The following LRSAM1 variants were observed in gnomAD, a reference collection of about 807,000 sequenced individuals.
LRSAM1 encodes the protein E3 ubiquitin-protein ligase LRSAM1.
LRSAM1 carries 96 observed loss-of-function variants against 118.1 expected under a neutral mutation model. The observed-to-expected ratio is 0.81, with a 90% CI of 0.69 to 0.96. The LOEUF (loss-of-function observed/expected upper bound fraction) is 0.96. LRSAM1 is among the 40% of genes least tolerant of loss of function. LRSAM1 has a pLI of 0.00. For missense variants in LRSAM1, 804 were observed against 915.5 expected, an observed-to-expected ratio of 0.88 and a Z score of 1.57; for synonymous variants, 322 against 364.2, an observed-to-expected ratio of 0.88 and a Z score of 1.32.
intron 11 of LRSAM1, among the ~76,000 whole-genome samples, chr9:127,476,366 C>G (rs2249936): frequency 0.43 from 65,226 of 151,812 alleles, 14,880 homozygotes; most frequent in Non-Finnish European, 0.5. Context: ...GGCAATGTGG[C>G]GAGACCCTGT....
At chr9:127,468,638 T>G (rs1835046846) in intron 10 of LRSAM1, among the ~76,000 whole-genome samples, 1 of 152,064 alleles carries the variant, frequency 6.6e-6, no homozygotes, top group African/African-American at 2.4e-5. Context: ...ACCTCTTCCT[T>G]AAACAGGAAG....
chr9:127,456,738 C>T (rs976693043), intron 5 of LRSAM1, among the ~76,000 whole-genome samples: 3 of 151,966 alleles, frequency 2.0e-5, no homozygotes, highest in Non-Finnish European at 4.4e-5. Flanking sequence ...TGGTGGCATG[C>T]GCCTGTAGTC....
At chr9:127,489,400 G>C (rs1387949003) in intron 18 of LRSAM1, 44 bp from the exon 19 acceptor site, 5 of 1,578,862 alleles carry the variant, frequency 3.2e-6, no homozygotes, top group Admixed American at 3.7e-5. Flanking sequence ...GCAGGGAAAA[G>C]TGTGGGCACG....
Position 127,465,376 on chromosome 9 carries a change from A to T in LRSAM1, c.529-2364A>T, listed in dbSNP as rs574008395. Reference sequence around the variant, plus strand: ...AACCAACCATGGACTCAAACTTTAAATCAGATTTATTTTCAGTTACTTAAA... The same window carrying T: ...AACCAACCATGGACTCAAACTTTAATTCAGATTTATTTTCAGTTACTTAAA... On this transcript the variant is annotated intron_variant, in intron 9 of 25. Transcript: ENST00000300417. This position sits in a 1 kb window ranked among gnomAD's most constrained non-coding sequence, Gnocchi z 4.1. Among the ~76,000 whole-genome samples the T allele has an allele frequency of 2.0e-4, 31 of 152,234 alleles. 3 individuals are homozygous for T. In the South Asian group the frequency reaches 5.6e-3, roughly 28 times the overall value.
chr9:127,481,318 T>C, intron 15 of LRSAM1, 91 bp downstream of exon 15: 1 of 1,433,598 alleles, frequency 7.0e-7, no homozygotes. Flanking sequence ...AGTGGCACAA[T>C]CTCGGCTCAG....
At chr9:127,472,352 A>G (rs1481909570) in intron 10 of LRSAM1, among the ~76,000 whole-genome samples, 1 of 152,054 alleles carries the variant, frequency 6.6e-6, no homozygotes, top group Non-Finnish European at 1.5e-5. Flanking sequence ...TTTAAAAAAC[A>G]TTAAAGAGGC....
chr9:127,484,816 T>TC (rs1325641370), intron 16 of LRSAM1, among the ~76,000 whole-genome samples: 1 of 149,328 alleles, frequency 6.7e-6, no homozygotes, highest in East Asian at 1.9e-4. Context: ...TTTTCTTTTT[T>TC]TTTTTTTTTT....
Position 127,458,937 on chromosome 9 carries a change from C to T in LRSAM1, c.253-66C>T, listed in dbSNP as rs1173249044. 2.6e-5 allele frequency: 40 copies of T among 1,545,792 alleles called. 1 individual carries two copies. The highest frequency in any genetic ancestry group is 2.3e-4 in the South Asian group (21 of 89,810). ...TGAGGTGGCCCCAGCCCCTCCTCAG[C>T]GCTCTGGAGCCCGGAGTCTGAGGGA... On this transcript the variant is annotated intron_variant, in intron 6 of 25. Transcript: ENST00000300417.
chr9:127,482,930 A>G lies in LRSAM1; in HGVS notation c.1089-20A>G. The stretch of plus-strand genomic sequence containing the variant: ...TGGAAATGTTAAATTTGCTGAATGA[A>G]TGGATGGATTTTTTTCTAGAATAAG... On this transcript the variant is annotated intron_variant, in intron 15 of 25. Coordinates refer to ENST00000300417, the MANE Select transcript of LRSAM1 (RefSeq NM_001005373.4). 1 of 1,551,038 alleles carries G rather than the reference A, an allele frequency of 6.4e-7. No homozygotes were observed.
At chr9:127,495,542 C>T (rs1451895756) in intron 22 of LRSAM1, 124 bp downstream of exon 22, 2 of 812,824 alleles carry the variant, frequency 2.5e-6, no homozygotes, top group South Asian at 1.4e-5. Context: ...ATGCCAGATC[C>T]TGTGCCAAGC....
Position 127,497,148 on chromosome 9 carries a change from A to G in LRSAM1, c.1831-105A>G. ...CCCGGAAGGCTTCCACATTTCCAGC[A>G]GGAGGTGTCGACGGTCCTGTGAGCC... On this transcript the variant is annotated intron_variant, in intron 23 of 25. Transcript: ENST00000300417. The G allele has an allele frequency of 1.8e-6, 2 of 1,131,576 alleles. 1 individual carries two copies. The highest frequency in any genetic ancestry group is 2.6e-6 in the Non-Finnish European group (2 of 761,326). 70.1% of individuals were successfully genotyped at this position (1,131,576 alleles called of 1,614,324 possible). A position where few individuals can be genotyped will look rare whatever the true frequency, so the allele number is the denominator to read the frequency against.
intron 15 of LRSAM1, among the ~76,000 whole-genome samples, chr9:127,482,276 G>A (rs1353271723): frequency 6.6e-6 from 1 of 151,720 alleles, no homozygotes; most frequent in Non-Finnish European, 1.5e-5. Context: ...CCGAGTAGCT[G>A]GGATTATAGG....
intron 16 of LRSAM1, among the ~76,000 whole-genome samples, chr9:127,485,472 C>T (rs541650725): frequency 2.0e-5 from 3 of 152,186 alleles, no homozygotes; most frequent in African/African-American, 4.8e-5. Context: ...AGGAGAATGG[C>T]GGGAACCTGG....
At chr9:127,455,514 TC>T in intron 4 of LRSAM1, 61 bp from the exon 5 acceptor site, 1 of 1,549,692 alleles carries the variant, frequency 6.5e-7, no homozygotes, top group South Asian at 1.1e-5. Context: ...TGAATGCCAC[TC>T]AGAGAACAAG....
intron 9 of LRSAM1, among the ~76,000 whole-genome samples, chr9:127,464,630 T>C (rs2243608): frequency 0.61 from 92,068 of 151,258 alleles, 28,337 homozygotes; most frequent in African/African-American, 0.64. Context: ...ACATCTAGTA[T>C]GAGTTCTGGA....
At chr9:127,494,527 C>G (rs117991222) in intron 21 of LRSAM1, among the ~76,000 whole-genome samples, 2 of 152,252 alleles carry the variant, frequency 1.3e-5, no homozygotes, top group African/African-American at 2.4e-5. Flanking sequence ...TGGCACATGG[C>G]ACTGTGAACA....
intron 5 of LRSAM1, among the ~76,000 whole-genome samples, chr9:127,456,139 T>A (rs1374951482): frequency 7.9e-6 from 1 of 127,240 alleles, no homozygotes; most frequent in Non-Finnish European, 1.6e-5. Flanking sequence ...GCGCTCTAAG[T>A]GAAGTATCTA....
intron 24 of LRSAM1, among the ~76,000 whole-genome samples, chr9:127,497,664 A>G (rs1012724200): frequency 6.6e-6 from 1 of 152,206 alleles, no homozygotes; most frequent in African/African-American, 2.4e-5. Context: ...AGAGGGAGAA[A>G]TAGCCCGTCC....
intron 15 of LRSAM1, among the ~76,000 whole-genome samples, chr9:127,482,045 G>A (rs1175154815): frequency 1.3e-5 from 2 of 151,610 alleles, no homozygotes; most frequent in Non-Finnish European, 2.9e-5. Flanking sequence ...GCCATTAAAT[G>A]TCTTATTGAA....
Sources: allele counts gnomAD v4.1 joint callset (sites outside exome capture counted in the v4.1 genomes callset), GRCh38; gene constraint gnomAD v4.1.1; non-coding constraint Gnocchi (gnomAD v3.1); transcripts MANE v1.5; gene names NCBI Gene and HGNC (gene_info 2026-07-23, HGNC 2026-07-21).